Variants in DCP2 observed in about 807,000 individuals in gnomAD.
DCP2 encodes the protein decapping mRNA 2.
In DCP2, 30 loss-of-function variants were observed where a neutral mutation model predicts 56.1. That is an observed-to-expected ratio of 0.53 (90% confidence interval 0.40 to 0.73). DCP2 has a LOEUF of 0.73. Ranked by LOEUF, DCP2 falls within the 30% of genes least tolerant of loss-of-function variation. The probability of loss-of-function intolerance (pLI) is 0.00; values close to 1 mark genes in which losing one functional copy is unlikely to be tolerated. For missense variants in DCP2, 533 were observed against 502.7 expected, an observed-to-expected ratio of 1.06 and a Z score of -0.58; for synonymous variants, 197 against 163.3, an observed-to-expected ratio of 1.21 and a Z score of -1.57.
chr5:112,990,188 G>T (rs766072890), intron 2 of DCP2, among the ~76,000 whole-genome samples: 4 of 152,170 alleles, frequency 2.6e-5, no homozygotes, highest in Non-Finnish European at 5.9e-5. Flanking sequence ...GGATATTGCA[G>T]TAGAGAAGAC....
chr5:112,980,090 T>C (rs1378741105), intron 1 of DCP2, among the ~76,000 whole-genome samples: 1 of 152,226 alleles, frequency 6.6e-6, no homozygotes, highest in Non-Finnish European at 1.5e-5. Context: ...TGCAGCATTT[T>C]ATGGTGATAC....
chr5:113,005,415 A>G (rs1749378589), intron 8 of DCP2, among the ~76,000 whole-genome samples: 1 of 152,198 alleles, frequency 6.6e-6, no homozygotes, highest in South Asian at 2.1e-4. Flanking sequence ...ATCATTAGGG[A>G]ACATTGTTAA....
At chr5:113,008,108 C>G in intron 9 of DCP2, 66 bp downstream of exon 9, 1 of 1,296,196 alleles carries the variant, frequency 7.7e-7, no homozygotes. Flanking sequence ...AAGGGCATTG[C>G]CAAAGCACAG....
chr5:112,999,511 A>G (rs945853223), intron 4 of DCP2, among the ~76,000 whole-genome samples: 1 of 151,968 alleles, frequency 6.6e-6, no homozygotes, highest in Non-Finnish European at 1.5e-5. Context: ...TATTTTTAGT[A>G]GAGACGGAGT....
At chr5:112,986,107 A>G (rs962774987) in intron 2 of DCP2, 121 bp downstream of exon 2, 14 of 974,800 alleles carry the variant, frequency 1.4e-5, no homozygotes. Flanking sequence ...TTGATTGCTA[A>G]AATTTGTCAA....
intron 1 of DCP2, among the ~76,000 whole-genome samples, chr5:112,977,219 C>T (rs535902925): frequency 6.6e-6 from 1 of 152,272 alleles, no homozygotes; most frequent in Admixed American, 6.5e-5. Flanking sequence ...CCGGAATTTC[C>T]TCATTTTTTA....
At position 113,003,991 on chromosome 5, in the gene DCP2, G is replaced by T; in HGVS notation, c.856G>T (p.Gly286Cys). 6.2e-7 allele frequency: 1 copy of T among 1,614,090 alleles called. No individual in the cohort carries two copies. Among genetic ancestry groups the T allele is most frequent in the Non-Finnish European group, 8.5e-7 (1 of 1,179,996 alleles). The part of the protein sequence containing the change: ...SQQLFPDGSP[G>C]DQWVKHRQPL... ...GCAGTTATTTCCTGACGGTTCTCCT[G>T]GTGACCAGTGGGTAAAGCACAGGCA... Residue 286 changes from glycine (G) to cysteine (C), a missense_variant, in exon 8 of 11, where the codon GGT becomes TGT. This residue lies in a region of DCP2 where 392 missense variants were observed against 346.6 expected (regional missense o/e 1.13). Transcript: ENST00000389063.
At position 113,020,404 on chromosome 5, in the gene DCP2, G is replaced by C. The variant is rs1322499556; in HGVS notation, c.*6920G>C. 6.6e-6 allele frequency: 1 copy of C among 152,132 alleles called. No individual in the cohort carries two copies. The highest frequency in any genetic ancestry group is 1.5e-5 in the Non-Finnish European group (1 of 68,024). 9.4% of individuals were successfully genotyped at this position (152,132 alleles called of 1,614,324 possible). Reference sequence around the variant, plus strand: ...ATCTACTTCAAGGGATTCTGTTCATGGTGGTATACAGTTCTTGGTGCTCTT... The same window carrying C: ...ATCTACTTCAAGGGATTCTGTTCATCGTGGTATACAGTTCTTGGTGCTCTT... On this transcript the variant is annotated 3_prime_UTR_variant, in exon 11 of 11. Transcript: ENST00000389063.
Position 112,982,624 on chromosome 5 carries a change from C to G in DCP2, c.54-3211C>G, listed in dbSNP as rs141919635. Reference sequence around the variant, plus strand: ...GTGATATCCTTAATACTACCTTCCACTGCTTCCGTTGGTTATAGTAATAAT... The same window carrying G: ...GTGATATCCTTAATACTACCTTCCAGTGCTTCCGTTGGTTATAGTAATAAT... On this transcript the variant is annotated intron_variant, in intron 1 of 10. Transcript: ENST00000389063. Among the ~76,000 whole-genome samples the G allele has an allele frequency of 3.3e-5, 5 of 152,356 alleles. No individual in the cohort carries two copies. In the East Asian group the frequency reaches 9.6e-4, roughly 29 times the overall value.
chr5:113,000,390 CTTGTCTA>C (rs1561697468), intron 4 of DCP2, among the ~76,000 whole-genome samples: 114 of 124,860 alleles, frequency 9.1e-4, no homozygotes, highest in African/African-American at 3.9e-3. Context: ...AGTGCAATTA[CTTGTCTA>C]ATACACACAC....
At chr5:112,999,724 T>C (rs1749049878) in intron 4 of DCP2, among the ~76,000 whole-genome samples, 2 of 151,782 alleles carry the variant, frequency 1.3e-5, no homozygotes, top group African/African-American at 2.4e-5. Context: ...GGAACTCCTT[T>C]GATCAAGTGA....
intron 2 of DCP2, 75 bp downstream of exon 2, chr5:112,986,061 C>G: frequency 7.1e-7 from 1 of 1,403,172 alleles, no homozygotes; most frequent in East Asian, 2.3e-5. Flanking sequence ...TTTTGCTTGC[C>G]TTTTCAGATT....
At chr5:112,985,775 C>T in intron 1 of DCP2, 60 bp from the exon 2 acceptor site, 2 of 1,566,294 alleles carry the variant, frequency 1.3e-6, no homozygotes, top group East Asian at 2.3e-5. Context: ...ACTTAAATAG[C>T]TTAAGATAAA....
chr5:113,012,937 T>C (rs1047958619), intron 10 of DCP2, among the ~76,000 whole-genome samples: 36 of 152,224 alleles, frequency 2.4e-4, no homozygotes, highest in African/African-American at 8.7e-4. Context: ...CCACCATGCC[T>C]GGCCAGATTT....
chr5:112,982,421 A>G (rs926828385), intron 1 of DCP2, among the ~76,000 whole-genome samples: 1 of 152,114 alleles, frequency 6.6e-6, no homozygotes, highest in Non-Finnish European at 1.5e-5. Flanking sequence ...CTTGAATATC[A>G]TGTTTCATCC....
intron 4 of DCP2, among the ~76,000 whole-genome samples, chr5:112,997,502 G>A (rs1748916705): frequency 6.6e-6 from 1 of 152,078 alleles, no homozygotes; most frequent in Non-Finnish European, 1.5e-5. Context: ...GCAACTATTG[G>A]TCAGTTTATT....
chr5:113,005,151 G>GGGGTGTGTGTGTGTGTGTGTGT (rs140772660), intron 8 of DCP2, among the ~76,000 whole-genome samples: 1 of 149,420 alleles, frequency 6.7e-6, no homozygotes, highest in African/African-American at 2.5e-5. Context: ...TGTGCGTGTG[G>GGGGTGTGTGTGTGTGTGTGTGT]GTGTGTGTGT....
chr5:113,006,005 A>G (rs1053114502), intron 8 of DCP2, among the ~76,000 whole-genome samples: 2 of 151,092 alleles, frequency 1.3e-5, no homozygotes, highest in Non-Finnish European at 2.9e-5. Context: ...GCACACCTGT[A>G]GTTCCAGCTG....
chr5:112,989,984 A>AT (rs1170619309), intron 2 of DCP2, among the ~76,000 whole-genome samples: 25 of 152,174 alleles, frequency 1.6e-4, no homozygotes, highest in African/African-American at 6.0e-4. Flanking sequence ...GGTTTCTAGT[A>AT]TGAGCAGTTG....
Sources: gnomAD v4.1 joint callset for allele counts (sites outside exome capture counted in the v4.1 genomes callset) on GRCh38, gnomAD v4.1.1 for gene constraint, gnomAD v4.1.1 regional missense constraint, MANE v1.5 for transcripts, NCBI Gene and HGNC (gene_info 2026-07-23, HGNC 2026-07-21) for gene names.